Variants in COBLL1 observed in about 807,000 individuals in gnomAD.
COBLL1 encodes the protein cordon-bleu WH2 repeat protein like 1, also known as cordon-bleu protein-like 1.
COBLL1 carries 50 observed loss-of-function variants against 94.8 expected under a neutral mutation model. The observed-to-expected ratio is 0.53, with a 90% confidence interval of 0.42 to 0.67. The LOEUF (loss-of-function observed/expected upper bound fraction) is 0.67. Among genes scored for constraint, COBLL1 ranks in the 30% least tolerant of loss-of-function variants. The probability of loss-of-function intolerance (pLI) is 0.00; values close to 1 mark genes in which losing one functional copy is unlikely to be tolerated. For missense variants in COBLL1, 1,362 were observed against 1,348.7 expected, an observed-to-expected ratio of 1.01 and a Z score of -0.15; for synonymous variants, 448 against 473.8, an observed-to-expected ratio of 0.95 and a Z score of 0.71.
chr2:164,690,269 A>G (rs983732557), intron 13 of COBLL1, among the ~76,000 whole-genome samples: 89 of 152,168 alleles, frequency 5.8e-4, no homozygotes, highest in African/African-American at 2.1e-3. Flanking sequence ...GTGAAATGAG[A>G]TGGATTATAG....
chr2:164,752,202 C>T (rs1415140334), intron 2 of COBLL1, among the ~76,000 whole-genome samples: 1 of 152,080 alleles, frequency 6.6e-6, no homozygotes, highest in Non-Finnish European at 1.5e-5. Flanking sequence ...TGTTTTTTAC[C>T]TGCACTAACT....
At chr2:164,660,656 G>A (rs1464870513) in intron 2 of COBLL1, among the ~76,000 whole-genome samples, 3 of 152,118 alleles carry the variant, frequency 2.0e-5, no homozygotes, top group Non-Finnish European at 4.4e-5. Context: ...GAGTTGACTG[G>A]TACAGTTTCC....
chr2:164,687,710 G>A, intron 13 of COBLL1: 1 of 682,832 alleles, frequency 1.5e-6, no homozygotes, highest in Non-Finnish European at 2.7e-6. Flanking sequence ...CAAGGAAGCT[G>A]CTGTTTGCAG....
intron 1 of COBLL1, among the ~76,000 whole-genome samples, chr2:164,671,621 T>C (rs751033644): frequency 4.7e-4 from 72 of 152,166 alleles, no homozygotes; most frequent in South Asian, 8.3e-4. Context: ...TCTGTCAACA[T>C]AGAGATTAAA....
chr2:164,679,491 T>A (rs1194518160), downstream of COBLL1, among the ~76,000 whole-genome samples: 1 of 151,886 alleles, frequency 6.6e-6, no homozygotes, highest in Non-Finnish European at 1.5e-5. Flanking sequence ...GGCAGCAGAG[T>A]ATAGCAGAAA....
At chr2:164,787,639 C>T (rs1293196068) in intron 2 of COBLL1, among the ~76,000 whole-genome samples, 1 of 152,090 alleles carries the variant, frequency 6.6e-6, no homozygotes, top group African/African-American at 2.4e-5. Flanking sequence ...TGCCTGTGAC[C>T]TTGAGCCCTC....
intron 2 of COBLL1, among the ~76,000 whole-genome samples, chr2:164,814,381 A>T (rs1684609067): frequency 6.6e-6 from 1 of 152,172 alleles, no homozygotes; most frequent in Non-Finnish European, 1.5e-5. Context: ...TATATATAAA[A>T]TTAAAGAGTC....
intron 2 of COBLL1, among the ~76,000 whole-genome samples, chr2:164,762,851 C>A (rs556080762): frequency 4.6e-5 from 7 of 152,022 alleles, no homozygotes; most frequent in Non-Finnish European, 1.0e-4. Context: ...CGCCTGGCAC[C>A]ACGCCCGGCT....
chr2:164,766,022 A>C (rs1179987049), intron 2 of COBLL1, among the ~76,000 whole-genome samples: 1 of 151,982 alleles, frequency 6.6e-6, no homozygotes, highest in Non-Finnish European at 1.5e-5. Context: ...CTTTTTTTGG[A>C]GATTTCCTGT....
Position 164,740,418 on chromosome 2 carries a change from C to A in COBLL1, c.230+3269G>T, listed in dbSNP as rs1686529478. Among the ~76,000 whole-genome samples the A allele has an allele frequency of 2.0e-5, 3 of 152,198 alleles. 1 individual carries two copies. Among genetic ancestry groups the A allele is most frequent in the Middle Eastern group, 6.8e-3 (2 of 294 alleles). On this transcript the variant is annotated intron_variant, in intron 3 of 13. Transcript: ENST00000652658. Reference sequence around the variant, plus strand: ...CTACTCTCAGAAAAACTCTTCAGCCCTAAACAAAATTTAAAAAGGAATCAG... The same window carrying A: ...CTACTCTCAGAAAAACTCTTCAGCCATAAACAAAATTTAAAAAGGAATCAG...
chr2:164,749,830 T>C (rs1687040903), intron 2 of COBLL1, among the ~76,000 whole-genome samples: 1 of 152,164 alleles, frequency 6.6e-6, no homozygotes, highest in South Asian at 2.1e-4. Context: ...CAATAACCTA[T>C]GAGGGTCCAA....
Position 164,694,468 on chromosome 2 carries a change from C to A in COBLL1, c.2924G>T (p.Gly975Val). 1 of 1,613,860 alleles carries A rather than the reference C, an allele frequency of 6.2e-7. No homozygotes were observed. Among genetic ancestry groups the A allele is most frequent in the South Asian group, 1.1e-5 (1 of 91,074 alleles). ...AGAACTTGAGTATGGTCGTGGGGCA[C>A]CAAAAGTTTTCAAAGTCTTCAGATT... ...TQNLKTLKTFGAPRPYSSSGP... is the reference protein window; with the variant it reads ...TQNLKTLKTFVAPRPYSSSGP... Residue 975 changes from glycine (G) to valine (V), a missense_variant, in exon 12 of 14, where the codon GGT becomes GTT. Physicochemically the swap from Gly to Val is moderately radical, Grantham distance 109. Coordinates refer to ENST00000652658, the MANE Select transcript of COBLL1 (RefSeq NM_001365672.2).
chr2:164,708,059 G>A (rs1684697233), intron 7 of COBLL1, among the ~76,000 whole-genome samples: 1 of 152,126 alleles, frequency 6.6e-6, no homozygotes, highest in Non-Finnish European at 1.5e-5. Context: ...ACAGTGGCAG[G>A]AGCTTCACTG....
At chr2:164,837,337 T>C in intron 2 of COBLL1, 1 of 329,466 alleles carries the variant, frequency 3.0e-6, no homozygotes, top group South Asian at 2.6e-5. Flanking sequence ...TGTTGCTTTT[T>C]CTAAGTGATT....
intron 2 of COBLL1, among the ~76,000 whole-genome samples, chr2:164,836,734 T>C (rs985184365): frequency 6.6e-6 from 1 of 152,240 alleles, no homozygotes; most frequent in Non-Finnish European, 1.5e-5. Flanking sequence ...TATAAATGAT[T>C]AGTAACAGCC....
rs575989247 is a variant in COBLL1, at chr2:164,808,203, C to A, written c.41+32953G>T. The stretch of plus-strand genomic sequence containing the variant: ...TGTGTAAATGAACTAGACTTTCCTT[C>A]TGACCCAATCTGTAATTAGTTTTAC... On this transcript the variant is annotated intron_variant, in intron 2 of 13. Transcript: ENST00000652658. Among the ~76,000 whole-genome samples, 21 of 152,304 alleles carry A rather than the reference C, an allele frequency of 1.4e-4. No homozygotes were observed. In the South Asian group the frequency reaches 4.4e-3, roughly 32 times the overall value.
intron 2 of COBLL1, among the ~76,000 whole-genome samples, chr2:164,760,736 T>G (rs1687641162): frequency 6.6e-6 from 1 of 152,004 alleles, no homozygotes; most frequent in Admixed American, 6.6e-5. Context: ...AGAAAACTAG[T>G]AAAAAAATAA....
intron 2 of COBLL1, among the ~76,000 whole-genome samples, chr2:164,665,222 T>C (rs1429857074): frequency 6.6e-6 from 1 of 151,242 alleles, no homozygotes. Flanking sequence ...TTCCAGCTAC[T>C]CAGGAGGCTG....
rs768936548 is a variant in COBLL1, at chr2:164,692,333, A to AATG, written c.3185_3187dup (p.Ser1062dup). 27 of 1,613,424 alleles carry AATG rather than the reference A, an allele frequency of 1.7e-5. No homozygotes were observed. The highest frequency in any genetic ancestry group is 2.2e-5 in the Non-Finnish European group (26 of 1,179,626). ...TAAAGAACTTTGTCTCATAACAGTG[A>AATG]ATGATGGGCCATCAGTTGGAGTTGG... is the stretch of plus-strand genomic sequence containing the variant. On this transcript the variant is annotated inframe_insertion, in exon 13 of 14. Coordinates refer to ENST00000652658, the MANE Select transcript of COBLL1 (RefSeq NM_001365672.2).
Sources: allele counts gnomAD v4.1 joint callset (sites outside exome capture counted in the v4.1 genomes callset), GRCh38; gene constraint gnomAD v4.1.1; transcripts MANE v1.5; gene names NCBI Gene and HGNC (gene_info 2026-07-23, HGNC 2026-07-21).